ADGRL3: variants seen among roughly 807,000 people sequenced by gnomAD.
ADGRL3 encodes adhesion G protein-coupled receptor L3.
Under a neutral mutation model 153.5 loss-of-function variants are expected in ADGRL3, and 62 were observed. The ratio of observed to expected loss-of-function variants is 0.40; its 90% CI spans 0.33 to 0.50. ADGRL3 has a LOEUF of 0.50. ADGRL3 is among the 20% of genes least tolerant of loss of function. The pLI is 0.47. For missense variants in ADGRL3, 1,641 were observed against 1,859.4 expected (o/e 0.88, Z 2.16); for synonymous variants, 710 against 672.5 (o/e 1.06, Z -0.86).
At chr4:61,359,400 T>G (rs2096248171) in intron 1 of ADGRL3, among the ~76,000 whole-genome samples, 1 of 152,174 alleles carries the variant, frequency 6.6e-6, no homozygotes, top group African/African-American at 2.4e-5. Flanking sequence ...TCTACCAGAA[T>G]TAGGATTTAG....
chr4:61,655,332 C>CT (rs1305947036), intron 5 of ADGRL3, among the ~76,000 whole-genome samples: 1 of 152,144 alleles, frequency 6.6e-6, no homozygotes, highest in African/African-American at 2.4e-5. Flanking sequence ...GCCTGCCTCT[C>CT]TGCTTCTGTG....
At chr4:61,546,271 G>C (rs1201154635) in intron 4 of ADGRL3, among the ~76,000 whole-genome samples, 1 of 152,154 alleles carries the variant, frequency 6.6e-6, no homozygotes, top group African/African-American at 2.4e-5. Flanking sequence ...AGATATGTCT[G>C]TTTACATCTG....
chr4:61,421,796 C>T (rs1390351909), intron 2 of ADGRL3, among the ~76,000 whole-genome samples: 4 of 152,044 alleles, frequency 2.6e-5, no homozygotes, highest in Non-Finnish European at 5.9e-5. Context: ...ACAATTGATG[C>T]CCATGAGTCA....
At chr4:61,730,453 TAGAG>T (rs2096420407) in intron 6 of ADGRL3, among the ~76,000 whole-genome samples, 165 bp from the exon 7 acceptor site, 1 of 151,876 alleles carries the variant, frequency 6.6e-6, no homozygotes, top group South Asian at 2.1e-4. Context: ...ATAACTGTAT[TAGAG>T]AGATGGGTTT....
At chr4:61,395,750 T>G (rs1176891259) in intron 2 of ADGRL3, among the ~76,000 whole-genome samples, 13 of 151,954 alleles carry the variant, frequency 8.6e-5, no homozygotes, top group African/African-American at 3.1e-4. Context: ...AAAATGATAA[T>G]ATATCAGAAA....
chr4:61,311,929 A>G (rs769052995), intron 1 of ADGRL3, among the ~76,000 whole-genome samples: 3 of 152,202 alleles, frequency 2.0e-5, no homozygotes, highest in Non-Finnish European at 2.9e-5. Flanking sequence ...ATATTAATTG[A>G]ACAAATGTAC....
intron 21 of ADGRL3, among the ~76,000 whole-genome samples, chr4:61,999,274 A>G (rs917800159): frequency 3.3e-5 from 5 of 152,210 alleles, no homozygotes; most frequent in Admixed American, 6.6e-5. Context: ...GTACGTTCAG[A>G]AAGTTCTGCC....
chr4:61,582,990 CT>C lies in ADGRL3; in HGVS notation c.260-4236del, dbSNP rs2098932133. ...CTGAATTCTAGACTCGTGAATTCAACTGATTATTAACCATTTGCAGATATCC... is the reference window on the plus strand; with the variant it reads ...CTGAATTCTAGACTCGTGAATTCAACGATTATTAACCATTTGCAGATATCC... On this transcript the variant is annotated intron_variant, in intron 4 of 26. Coordinates refer to ENST00000683033, the MANE Select transcript of ADGRL3 (RefSeq NM_001387552.1). 2.0e-5 allele frequency among the ~76,000 whole-genome samples: 3 copies of C among 152,178 alleles called. No individual in the cohort carries two copies. In the South Asian group the frequency reaches 6.2e-4, roughly 32 times the overall value.
Position 62,029,704 on chromosome 4 carries a change from G to GT in ADGRL3, c.3422+839dup, listed in dbSNP as rs11337568. Reference sequence around the variant, plus strand: ...ATGCTTCTGCTTTCCTTCTTTTGTTGTTTTTTTTTTTTTTTTAGAAATCGG... The same window carrying GT: ...ATGCTTCTGCTTTCCTTCTTTTGTTGTTTTTTTTTTTTTTTTTAGAAATCGG... On this transcript the variant is annotated intron_variant, in intron 22 of 26. Transcript: ENST00000683033. Among the ~76,000 whole-genome samples, 733 of 134,240 alleles carry GT rather than the reference G, an allele frequency of 5.5e-3. 2 individuals carry two copies. The highest frequency in any genetic ancestry group is 8.9e-3 in the African/African-American group (326 of 36,632). The allele number at this position is 134,240 out of a possible 152,430, so 88.1% of individuals were successfully genotyped here.
chr4:61,508,026 C>A (rs1267748695), intron 3 of ADGRL3, among the ~76,000 whole-genome samples: 1 of 152,030 alleles, frequency 6.6e-6, no homozygotes, highest in African/African-American at 2.4e-5. Flanking sequence ...ATTATGTTTA[C>A]AAGGAGGCTG....
At chr4:61,736,101 A>C (rs2096507731) in intron 8 of ADGRL3, among the ~76,000 whole-genome samples, 1 of 151,172 alleles carries the variant, frequency 6.6e-6, no homozygotes, top group Non-Finnish European at 1.5e-5. Context: ...GTATTAGTAT[A>C]CATATTCATA....
At chr4:61,298,839 A>T (rs1360192981) in intron 1 of ADGRL3, among the ~76,000 whole-genome samples, 1 of 152,204 alleles carries the variant, frequency 6.6e-6, no homozygotes, top group Non-Finnish European at 1.5e-5. Flanking sequence ...AGAGAAGGTT[A>T]TAAAGGGTTC....
chr4:61,813,702 G>A, intron 8 of ADGRL3, 107 bp from the exon 9 acceptor site: 2 of 1,291,716 alleles, frequency 1.5e-6, no homozygotes, highest in Non-Finnish European at 2.1e-6. Context: ...TTTAATTTAG[G>A]CTATTAATTC....
intron 1 of ADGRL3, among the ~76,000 whole-genome samples, chr4:61,208,556 T>TA (rs1441862606): frequency 2.6e-5 from 4 of 152,200 alleles, no homozygotes; most frequent in Non-Finnish European, 5.9e-5. Context: ...GAGTATGTCT[T>TA]AAAATGTTAG....
At chr4:61,220,490 T>C (rs946081066) in intron 1 of ADGRL3, among the ~76,000 whole-genome samples, 4 of 152,180 alleles carry the variant, frequency 2.6e-5, no homozygotes, top group Non-Finnish European at 4.4e-5. Flanking sequence ...CATAGAAAGA[T>C]GGTGAGAATT....
At chr4:61,768,302 G>A (rs1449816797) in intron 8 of ADGRL3, among the ~76,000 whole-genome samples, 1 of 152,092 alleles carries the variant, frequency 6.6e-6, no homozygotes, top group Admixed American at 6.5e-5. Flanking sequence ...GAGGAGCGGA[G>A]GCTGAGGAAG....
chr4:61,530,245 A>G (rs1184866874), intron 4 of ADGRL3, among the ~76,000 whole-genome samples: 1 of 152,050 alleles, frequency 6.6e-6, no homozygotes, highest in Admixed American at 6.6e-5. Context: ...AAGAAAATGC[A>G]GATAGCATTT....
intron 1 of ADGRL3, among the ~76,000 whole-genome samples, chr4:61,226,893 C>T (rs1857822): frequency 0.63 from 96,309 of 151,976 alleles, 30,838 homozygotes; most frequent in Middle Eastern, 0.72. Context: ...TGCCATTATC[C>T]TCATAAATTT....
intron 17 of ADGRL3, among the ~76,000 whole-genome samples, chr4:61,956,009 A>G (rs1359233702): frequency 6.6e-6 from 1 of 152,144 alleles, no homozygotes; most frequent in East Asian, 1.9e-4. Context: ...ATGTGCATGT[A>G]TCTTTATAGT....
Sources: gnomAD v4.1 joint callset for allele counts (sites outside exome capture counted in the v4.1 genomes callset) on GRCh38, gnomAD v4.1.1 for gene constraint, MANE v1.5 for transcripts, NCBI Gene and HGNC (gene_info 2026-07-23, HGNC 2026-07-21) for gene names.